The following PTPRT variants were observed in gnomAD, a reference collection of about 807,000 sequenced individuals.
PTPRT encodes receptor-type tyrosine-protein phosphatase T.
Under a neutral mutation model 176.8 loss-of-function variants are expected in PTPRT, and 56 were observed. The ratio of observed to expected loss-of-function variants is 0.32; its 90% confidence interval spans 0.26 to 0.40. The LOEUF is 0.40. Ranked by LOEUF, PTPRT falls within the 10% of genes least tolerant of loss-of-function variation. The pLI, the probability that PTPRT is intolerant of heterozygous loss-of-function variation, is 1.00. For synonymous variants in PTPRT, 783 were observed against 739.0 expected, an observed-to-expected ratio of 1.06 and a Z score of -0.96; for missense variants, 1,540 against 1,908.2, an observed-to-expected ratio of 0.81 and a Z score of 3.60.
At chr20:42,115,169 C>A (rs955458897) in intron 22 of PTPRT, 30 bp downstream of exon 22, 6 of 1,524,760 alleles carry the variant, frequency 3.9e-6, no homozygotes, top group Non-Finnish European at 4.5e-6. Context: ...TCATGGTGGA[C>A]CGGCTGCCCA....
the PTPRT span, among the ~76,000 whole-genome samples, chr20:42,053,092 C>T: frequency 1.3e-5 from 2 of 152,054 alleles, no homozygotes; most frequent in Admixed American, 6.5e-5. Context: ...TGTGGCTCTC[C>T]AACTGTAGTT....
rs2145522483 is a variant in PTPRT, at chr20:42,352,103, C to T, written c.1743G>A (p.Arg581=). Residue 581 remains arginine, a synonymous_variant, in exon 10 of 31, where the codon CGG becomes CGA. Transcript: ENST00000373187. ...AKGFGPPVTT[R]IATKISAPSM... Reference sequence around the variant, plus strand: ...AGATACCTGAAATTTTGGTGGCAATCCGAGTGGTGACAGGGGGCCCAAAGC... The same window carrying T: ...AGATACCTGAAATTTTGGTGGCAATTCGAGTGGTGACAGGGGGCCCAAAGC... 1 of 1,613,958 alleles carries T rather than the reference C, an allele frequency of 6.2e-7. No individual in the cohort carries two copies. The highest frequency in any genetic ancestry group is 2.2e-5 in the East Asian group (1 of 44,874).
intron 7 of PTPRT, among the ~76,000 whole-genome samples, chr20:42,535,490 A>G (rs769678171): frequency 6.6e-6 from 1 of 152,204 alleles, no homozygotes; most frequent in Non-Finnish European, 1.5e-5. Flanking sequence ...GTTAAAATAC[A>G]TATGATGTAA....
intron 8 of PTPRT, among the ~76,000 whole-genome samples, chr20:42,461,344 A>G (rs143653950): frequency 6.6e-6 from 1 of 152,238 alleles, no homozygotes; most frequent in African/African-American, 2.4e-5. Flanking sequence ...AAATAAATAA[A>G]TAAAATAAAA....
intron 2 of PTPRT, among the ~76,000 whole-genome samples, chr20:42,860,078 T>A (rs2145789583): frequency 6.6e-6 from 1 of 152,346 alleles, no homozygotes; most frequent in Non-Finnish European, 1.5e-5. Context: ...TGCACTGCAT[T>A]TATCCAGAAT....
At chr20:42,648,827 T>G (rs1408241431) in intron 7 of PTPRT, among the ~76,000 whole-genome samples, 1 of 146,496 alleles carries the variant, frequency 6.8e-6, no homozygotes. Context: ...GTTGTTTTTT[T>G]TTTTTTTTTT....
intron 8 of PTPRT, among the ~76,000 whole-genome samples, chr20:42,458,657 T>C (rs901902655): frequency 6.6e-6 from 1 of 152,210 alleles, no homozygotes; most frequent in Non-Finnish European, 1.5e-5. Context: ...TGCTATTTCC[T>C]GTGATGTCCT....
intron 1 of PTPRT, among the ~76,000 whole-genome samples, chr20:43,155,877 G>A (rs972332905): frequency 5.3e-5 from 8 of 152,132 alleles, no homozygotes; most frequent in African/African-American, 1.2e-4. Context: ...TCACTCTTCA[G>A]AAATTAGCAG....
chr20:43,144,350 A>G (rs2014105050), intron 1 of PTPRT, among the ~76,000 whole-genome samples: 1 of 152,090 alleles, frequency 6.6e-6, no homozygotes, highest in Admixed American at 6.5e-5. Flanking sequence ...ACCATCCTTG[A>G]TCTCTCTTCC....
chr20:43,018,025 C>T (rs145563275), intron 1 of PTPRT, among the ~76,000 whole-genome samples: 161 of 152,310 alleles, frequency 1.1e-3, no homozygotes, highest in Non-Finnish European at 2.0e-3. Flanking sequence ...GGATATCATA[C>T]TCTCTGTTTA....
At chr20:42,401,484 T>C (rs2058906684) in intron 9 of PTPRT, among the ~76,000 whole-genome samples, 1 of 151,976 alleles carries the variant, frequency 6.6e-6, no homozygotes, top group Non-Finnish European at 1.5e-5. Context: ...GTAAGGAAAA[T>C]ACAAGCATTA....
At chr20:42,951,511 C>A (rs1312507248) in intron 1 of PTPRT, among the ~76,000 whole-genome samples, 1 of 152,114 alleles carries the variant, frequency 6.6e-6, no homozygotes, top group Non-Finnish European at 1.5e-5. Flanking sequence ...TTTTGAGCAC[C>A]TACCATGTAC....
chr20:43,073,581 G>C (rs888962295), intron 1 of PTPRT, among the ~76,000 whole-genome samples: 4 of 151,180 alleles, frequency 2.6e-5, no homozygotes, highest in Admixed American at 2.6e-4. Flanking sequence ...TTAGGTTGGT[G>C]CAAAAGTAAT....
chr20:42,954,513 C>T (rs1296679254), intron 1 of PTPRT, among the ~76,000 whole-genome samples: 1 of 152,144 alleles, frequency 6.6e-6, no homozygotes, highest in Non-Finnish European at 1.5e-5. Context: ...GACAGCTCTG[C>T]CAGCCTACAA....
At chr20:42,710,267 A>G (rs1323865351) in intron 6 of PTPRT, among the ~76,000 whole-genome samples, 2 of 152,198 alleles carry the variant, frequency 1.3e-5, no homozygotes, top group African/African-American at 4.8e-5. Context: ...AGCCAAGACA[A>G]TGGGGGAAAG....
At chr20:43,088,552 G>A (rs2011700158) in intron 1 of PTPRT, among the ~76,000 whole-genome samples, 4 of 152,062 alleles carry the variant, frequency 2.6e-5, no homozygotes, top group African/African-American at 9.7e-5. Context: ...ACAGACTCTG[G>A]GTTGAGATGG....
intron 2 of PTPRT, among the ~76,000 whole-genome samples, chr20:42,815,031 A>G (rs193223886): frequency 4.3e-4 from 66 of 152,322 alleles, no homozygotes; most frequent in African/African-American, 1.6e-3. Context: ...CATTGAAAAA[A>G]AGATGGTCTG....
intron 4 of PTPRT, among the ~76,000 whole-genome samples, chr20:42,778,388 A>T (rs965358449): frequency 4.6e-5 from 7 of 152,162 alleles, no homozygotes; most frequent in Non-Finnish European, 7.3e-5. Flanking sequence ...ATTAGAGCAC[A>T]AAGTTCTGGG....
chr20:42,630,435 G>A (rs559223041), intron 7 of PTPRT, among the ~76,000 whole-genome samples: 1 of 152,076 alleles, frequency 6.6e-6, no homozygotes, highest in Non-Finnish European at 1.5e-5. Flanking sequence ...CCTGACTTGG[G>A]GGGAGGGTAA....
Sources: allele counts gnomAD v4.1 joint callset (sites outside exome capture counted in the v4.1 genomes callset), GRCh38; gene constraint gnomAD v4.1.1; transcripts MANE v1.5; gene names NCBI Gene and HGNC (gene_info 2026-07-23, HGNC 2026-07-21).